The following CNTN5 variants were observed in gnomAD, a reference collection of about 807,000 sequenced individuals.
The protein encoded by CNTN5 is contactin 5.
In CNTN5, 77 loss-of-function variants were observed where a neutral mutation model predicts 129.1. The observed-to-expected ratio is 0.60, with a 90% confidence interval of 0.50 to 0.72. CNTN5 has a LOEUF of 0.72. Ranked by LOEUF, CNTN5 falls within the 30% of genes least tolerant of loss-of-function variation. CNTN5 has a pLI of 0.00. For missense variants in CNTN5, 1,478 were observed against 1,328.8 expected (o/e 1.11, Z -1.75); for synonymous variants, 509 against 465.6 (o/e 1.09, Z -1.20).
At chr11:99,182,101 G>A (rs1178670770) in intron 1 of CNTN5, among the ~76,000 whole-genome samples, 1 of 152,198 alleles carries the variant, frequency 6.6e-6, no homozygotes, top group Non-Finnish European at 1.5e-5. Flanking sequence ...TGATCTGCCC[G>A]CTGATTAAAT....
At chr11:99,310,431 A>C (rs1229293358) in intron 1 of CNTN5, among the ~76,000 whole-genome samples, 2 of 152,136 alleles carry the variant, frequency 1.3e-5, no homozygotes, top group Non-Finnish European at 2.9e-5. Context: ...AACACTCTTA[A>C]ATATTGACAT....
At chr11:100,129,648 A>G (rs1365763342) in intron 13 of CNTN5, among the ~76,000 whole-genome samples, 1 of 152,076 alleles carries the variant, frequency 6.6e-6, no homozygotes, top group African/African-American at 2.4e-5. Flanking sequence ...CATACATTTA[A>G]ATTGACCAGT....
At chr11:99,829,603 A>C (rs1947073249) in intron 4 of CNTN5, among the ~76,000 whole-genome samples, 1 of 152,196 alleles carries the variant, frequency 6.6e-6, no homozygotes, top group South Asian at 2.1e-4. Flanking sequence ...TCTGTTTTCA[A>C]CCCGATACTG....
chr11:99,629,224 GATTGA>G (rs1053583184), intron 3 of CNTN5, among the ~76,000 whole-genome samples: 3 of 152,004 alleles, frequency 2.0e-5, no homozygotes, highest in African/African-American at 7.2e-5. Context: ...TTATATAAAA[GATTGA>G]ATTAAGGCAT....
intron 9 of CNTN5, among the ~76,000 whole-genome samples, chr11:100,011,754 A>G (rs1293158475): frequency 6.6e-6 from 1 of 152,132 alleles, no homozygotes; most frequent in Admixed American, 6.6e-5. Context: ...TGTTTACTGT[A>G]AATAAAAAGC....
chr11:99,312,110 C>T (rs562406647), intron 1 of CNTN5, among the ~76,000 whole-genome samples: 11 of 152,030 alleles, frequency 7.2e-5, no homozygotes, highest in Non-Finnish European at 1.2e-4. Context: ...AAATGTAGTA[C>T]AGAAAATGTG....
At chr11:99,517,925 T>C (rs1397955073) in intron 2 of CNTN5, among the ~76,000 whole-genome samples, 1 of 152,114 alleles carries the variant, frequency 6.6e-6, no homozygotes, top group African/African-American at 2.4e-5. Context: ...TCTTGGGACA[T>C]CATAGGCATT....
At chr11:99,452,885 T>C (rs1944360741) in intron 2 of CNTN5, among the ~76,000 whole-genome samples, 1 of 152,206 alleles carries the variant, frequency 6.6e-6, no homozygotes. Context: ...AAAGTCCATA[T>C]ATTTTCTCAT....
chr11:99,402,422 G>C (rs576161834), intron 2 of CNTN5, among the ~76,000 whole-genome samples: 1 of 151,990 alleles, frequency 6.6e-6, no homozygotes, highest in Non-Finnish European at 1.5e-5. Flanking sequence ...GGTAAATTCT[G>C]CTTGATCATA....
chr11:99,950,140 T>C (rs1314606286), intron 7 of CNTN5, among the ~76,000 whole-genome samples: 1 of 152,222 alleles, frequency 6.6e-6, no homozygotes, highest in Admixed American at 6.5e-5. Context: ...TTCAAACATA[T>C]GACAAGTATT....
At chr11:99,336,975 C>G (rs1214659330) in intron 2 of CNTN5, among the ~76,000 whole-genome samples, 1 of 151,986 alleles carries the variant, frequency 6.6e-6, no homozygotes, top group African/African-American at 2.4e-5. Context: ...TGACCATGTT[C>G]TAAAGAAATT....
chr11:99,588,360 A>T (rs1022441056), intron 3 of CNTN5, among the ~76,000 whole-genome samples: 1 of 151,804 alleles, frequency 6.6e-6, no homozygotes, highest in Non-Finnish European at 1.5e-5. Flanking sequence ...AAAAAAAAAA[A>T]AAAAAAAGAC....
At chr11:99,940,121 G>A (rs974575370) in intron 7 of CNTN5, among the ~76,000 whole-genome samples, 1 of 152,084 alleles carries the variant, frequency 6.6e-6, no homozygotes, top group African/African-American at 2.4e-5. Flanking sequence ...TCTAGTGGGT[G>A]AAGGTCAGTG....
chr11:100,297,732 T>A (rs201086217), intron 19 of CNTN5, 37 bp downstream of exon 19: 2 of 1,447,374 alleles, frequency 1.4e-6, no homozygotes, highest in East Asian at 4.8e-5. Context: ...TTACTCCACG[T>A]GTTTGTTTGG....
At chr11:99,832,661 C>CA in intron 4 of CNTN5, among the ~76,000 whole-genome samples, 1 of 152,144 alleles carries the variant, frequency 6.6e-6, no homozygotes, top group Non-Finnish European at 1.5e-5. Context: ...ATACTTGGTG[C>CA]AAAAATTTTT....
intron 13 of CNTN5, among the ~76,000 whole-genome samples, chr11:100,089,957 G>A (rs1351254970): frequency 6.6e-6 from 1 of 152,056 alleles, no homozygotes; most frequent in Non-Finnish European, 1.5e-5. Flanking sequence ...TAATACCTAG[G>A]TGATGGGTTG....
At chr11:99,993,171 C>A (rs375780500) in intron 8 of CNTN5, among the ~76,000 whole-genome samples, 2 of 152,096 alleles carry the variant, frequency 1.3e-5, no homozygotes, top group East Asian at 3.9e-4. Flanking sequence ...AACCATGTAG[C>A]CAAGTCAGAC....
intron 2 of CNTN5, among the ~76,000 whole-genome samples, chr11:99,496,628 A>G (rs986818413): frequency 6.6e-6 from 1 of 152,216 alleles, no homozygotes; most frequent in Non-Finnish European, 1.5e-5. Context: ...CAAGAGGCTG[A>G]GGAAACAAAA....
At chr11:99,711,225 G>T (rs1466659047) in intron 3 of CNTN5, among the ~76,000 whole-genome samples, 1 of 151,850 alleles carries the variant, frequency 6.6e-6, no homozygotes, top group African/African-American at 2.4e-5. Flanking sequence ...ACTCTATAGA[G>T]ATAGATGATA....
Sources: allele counts gnomAD v4.1 joint callset (sites outside exome capture counted in the v4.1 genomes callset), GRCh38; gene constraint gnomAD v4.1.1; transcripts MANE v1.5; gene names NCBI Gene and HGNC (gene_info 2026-07-23, HGNC 2026-07-21).